SAMD5: variants seen among roughly 807,000 people sequenced by gnomAD.
The protein encoded by SAMD5 is sterile alpha motif domain-containing protein 5.
In SAMD5, 13 loss-of-function variants were observed where a neutral mutation model predicts 11.3. The observed-to-expected ratio is 1.15, with a 90% CI of 0.75 to 1.83. The LOEUF (loss-of-function observed/expected upper bound fraction) is 1.83. Ranked by LOEUF, SAMD5 falls within the 40% of genes most tolerant of loss-of-function variation. The probability of loss-of-function intolerance (pLI) is 0.00; values close to 1 mark genes in which losing one functional copy is unlikely to be tolerated. For synonymous variants in SAMD5, 129 were observed against 111.3 expected (o/e 1.16, Z -1.00); for missense variants, 255 against 239.1 (o/e 1.07, Z -0.44).
the SAMD5 span, among the ~76,000 whole-genome samples, chr6:147,807,975 A>C: frequency 5.3e-5 from 8 of 152,198 alleles, no homozygotes; most frequent in Non-Finnish European, 8.8e-5. Flanking sequence ...GTAAGCAGAA[A>C]AGCATAAATA....
chr6:147,769,150 G>A, the SAMD5 span, among the ~76,000 whole-genome samples: 1 of 152,190 alleles, frequency 6.6e-6, no homozygotes, highest in South Asian at 2.1e-4. Context: ...GACTCCTTGG[G>A]AAGAGGAAGT....
At chr6:147,954,604 G>A in the SAMD5 span, among the ~76,000 whole-genome samples, 1 of 151,352 alleles carries the variant, frequency 6.6e-6, no homozygotes, top group Non-Finnish European at 1.5e-5. Context: ...AGCTCCATTC[G>A]TGGTAAGTGC....
At chr6:147,645,332 C>T (rs7756851) in intron 1 of SAMD5, among the ~76,000 whole-genome samples, 59,825 of 151,820 alleles carry the variant, frequency 0.39, 12,945 homozygotes, top group Middle Eastern at 0.5. Flanking sequence ...ATCAGCATCA[C>T]CCATGGAAGC....
chr6:147,663,903 ATT>A lies in SAMD5; in HGVS notation c.163-73398_163-73397del, dbSNP rs201468036. 2.6e-3 allele frequency among the ~76,000 whole-genome samples: 375 copies of A among 142,132 alleles called. 6 individuals carry two copies. In the South Asian group the frequency reaches 0.034, roughly 13 times the overall value. 93.2% of individuals were successfully genotyped at this position (142,132 alleles called of 152,430 possible). On this transcript the variant is annotated intron_variant, in intron 1 of 1. Coordinates refer to the SAMD5 transcript ENST00000566741. ...ATTTATCTGAATTTTTTACATGTAA[ATT>A]TTTTTTTTTTTTTTTAGAAATCTGC...
At chr6:147,562,156 AG>A (rs1409978765) in intron 1 of SAMD5, among the ~76,000 whole-genome samples, 2 of 152,236 alleles carry the variant, frequency 1.3e-5, no homozygotes, top group Non-Finnish European at 2.9e-5. Flanking sequence ...GTTTATAGGC[AG>A]GGTGTCTTTA....
intron 1 of SAMD5, among the ~76,000 whole-genome samples, chr6:147,630,334 A>G (rs1399624842): frequency 6.6e-6 from 1 of 152,170 alleles, no homozygotes; most frequent in South Asian, 2.1e-4. Flanking sequence ...TTTGTACTAC[A>G]GGATTGATGT....
chr6:147,821,300 T>C, the SAMD5 span, among the ~76,000 whole-genome samples: 1 of 152,244 alleles, frequency 6.6e-6, no homozygotes, highest in African/African-American at 2.4e-5. Context: ...TTTGAGTAGA[T>C]GTCTTTGTAA....
the SAMD5 span, among the ~76,000 whole-genome samples, chr6:147,857,694 T>C: frequency 6.7e-6 from 1 of 149,384 alleles, no homozygotes. Context: ...CTTCTTTTTT[T>C]TCTTTCATTT....
At chr6:147,780,985 A>T in the SAMD5 span, among the ~76,000 whole-genome samples, 1 of 152,212 alleles carries the variant, frequency 6.6e-6, no homozygotes, top group Non-Finnish European at 1.5e-5. Context: ...AAAGAAAAAA[A>T]TACAATTTGA....
intron 1 of SAMD5, among the ~76,000 whole-genome samples, chr6:147,633,197 G>A (rs1790176861): frequency 6.6e-6 from 1 of 152,158 alleles, no homozygotes; most frequent in Non-Finnish European, 1.5e-5. Flanking sequence ...ACCAAATACA[G>A]CATTCCAGAA....
At chr6:147,876,114 A>G in the SAMD5 span, among the ~76,000 whole-genome samples, 1 of 152,216 alleles carries the variant, frequency 6.6e-6, no homozygotes, top group Non-Finnish European at 1.5e-5. Flanking sequence ...TTACACACTC[A>G]GAAGATCCCT....
chr6:147,532,215 A>T (rs1788440857), intron 1 of SAMD5, among the ~76,000 whole-genome samples: 1 of 151,784 alleles, frequency 6.6e-6, no homozygotes, highest in South Asian at 2.1e-4. Context: ...GATTTCTGAG[A>T]TTTTGGTGCA....
chr6:147,896,701 T>TA, the SAMD5 span, among the ~76,000 whole-genome samples: 71 of 115,750 alleles, frequency 6.1e-4, no homozygotes, highest in African/African-American at 1.5e-3. Context: ...GGAGTTTTTT[T>TA]AAAAAAATTC....
chr6:147,653,550 G>A (rs1052865093), intron 1 of SAMD5, among the ~76,000 whole-genome samples: 7 of 152,164 alleles, frequency 4.6e-5, no homozygotes, highest in African/African-American at 1.4e-4. Flanking sequence ...CTGGTTCAAA[G>A]ACTTGTAATT....
chr6:147,803,218 A>T, the SAMD5 span, among the ~76,000 whole-genome samples: 431 of 148,956 alleles, frequency 2.9e-3, 2 homozygotes, highest in African/African-American at 0.01. Context: ...TACTGTATAA[A>T]TTATGTAGAT....
chr6:147,884,078 T>TTTTGTG, the SAMD5 span, among the ~76,000 whole-genome samples: 9 of 152,186 alleles, frequency 5.9e-5, no homozygotes, highest in African/African-American at 2.2e-4. Flanking sequence ...TTGTTTTTGT[T>TTTTGTG]TTTGTTTTCA....
At chr6:147,601,996 C>T (rs533295103) in intron 1 of SAMD5, among the ~76,000 whole-genome samples, 4 of 152,286 alleles carry the variant, frequency 2.6e-5, no homozygotes, top group Admixed American at 6.5e-5. Context: ...AAGAGACCTC[C>T]GATCTCGTTA....
In SAMD5 at chr6:147,646,970, T is replaced by TTTA. The variant is rs1562342122; in HGVS notation, c.163-90347_163-90346insTTA. Among the ~76,000 whole-genome samples the TTTA allele has an allele frequency of 1.2e-3, 168 of 135,100 alleles. 1 individual carries two copies. Among genetic ancestry groups the TTTA allele is most frequent in the Middle Eastern group, 3.6e-3 (1 of 276 alleles). 88.6% of individuals were successfully genotyped at this position (135,100 alleles called of 152,430 possible). A position where few individuals can be genotyped will look rare whatever the true frequency, so the allele number is the denominator to read the frequency against. On this transcript the variant is annotated intron_variant, in intron 1 of 1. Transcript: ENST00000566741. ...CTGGCCAACATGGTGAAACCTCATC[T>TTTA]CTAATAATAATAATAATAATAATAA...
chr6:147,755,200 A>C, the SAMD5 span, among the ~76,000 whole-genome samples: 2 of 151,920 alleles, frequency 1.3e-5, no homozygotes, highest in African/African-American at 4.8e-5. Context: ...AACATGGAAT[A>C]TTTTTTATTT....
Sources: allele counts gnomAD v4.1 joint callset (sites outside exome capture counted in the v4.1 genomes callset), GRCh38; gene constraint gnomAD v4.1.1; transcripts MANE v1.5; gene names NCBI Gene and HGNC (gene_info 2026-07-23, HGNC 2026-07-21).